The following CIITA variants were observed in gnomAD, a reference collection of about 807,000 sequenced individuals.
CIITA encodes the protein MHC class II transactivator.
A neutral mutation model predicts 115.1 loss-of-function variants in CIITA; 72 were observed. That is an observed-to-expected ratio of 0.63 (90% CI 0.52 to 0.76). The LOEUF (loss-of-function observed/expected upper bound fraction) is 0.76, where lower values mean the gene tolerates loss of function less well. Ranked by LOEUF, CIITA falls within the 30% of genes least tolerant of loss-of-function variation. The pLI, the probability that CIITA is intolerant of heterozygous loss-of-function variation, is 0.00. For missense variants in CIITA, 1,617 were observed against 1,463.8 expected, an observed-to-expected ratio of 1.10 and a Z score of -1.71; for synonymous variants, 763 against 635.6, an observed-to-expected ratio of 1.20 and a Z score of -3.02.
intron 11 of CIITA, 83 bp downstream of exon 11, chr16:10,908,232 G>T: frequency 1.4e-6 from 2 of 1,470,898 alleles, no homozygotes; most frequent in Non-Finnish European, 1.9e-6. Flanking sequence ...GCTCTGTGGG[G>T]TCTCTTTTAG....
In CIITA at chr16:10,866,290, A is replaced by G. The variant is rs754564710; in HGVS notation, c.-50A>G. ...AGCTGCCCTGACTCCAAGGGCTGCCATGAACAACTTCCAGGCCATCCTGAC... is the reference window on the plus strand; with the variant it reads ...AGCTGCCCTGACTCCAAGGGCTGCCGTGAACAACTTCCAGGCCATCCTGAC... On this transcript the variant is annotated 5_prime_UTR_variant, in exon 1 of 6. Transcript: ENST00000636238. 8.8e-6 allele frequency: 5 copies of G among 565,634 alleles called. No homozygotes were observed. In the African/African-American group the frequency reaches 9.3e-5, roughly 10 times the overall value. The allele number at this position is 565,634 out of a possible 1,614,324, so 35.0% of individuals were successfully genotyped here.
chr16:10,901,966 C>A lies in CIITA; in HGVS notation c.482-72C>A. On this transcript the variant is annotated intron_variant, in intron 6 of 19. Transcript: ENST00000324288. The surrounding 1 kb of genome is among the most constrained non-coding windows in gnomAD (Gnocchi z 6.8). ...TCTGTCAGGAGAGACATCCATGCCA[C>A]TCCAGGGCCCTCCCCATCCCAGGAA... The A allele has an allele frequency of 6.3e-7, 1 of 1,591,090 alleles. No individual in the cohort carries two copies. Among genetic ancestry groups the A allele is most frequent in the South Asian group, 1.1e-5 (1 of 90,570 alleles).
Position 10,922,447 on chromosome 16 carries a change from CT to C in CIITA, c.3275del (p.Leu1092ProfsTer38). 6.2e-7 allele frequency: 1 copy of C among 1,614,184 alleles called. No individual in the cohort carries two copies. The highest frequency in any genetic ancestry group is 8.5e-7 in the Non-Finnish European group (1 of 1,180,022). Reference sequence around the variant, plus strand: ...GTTCACGGCTGCCGGGGCCCAGCAGCTCGCTGCCAGCCTTCGGAGGTGTCCT... The same window carrying C: ...GTTCACGGCTGCCGGGGCCCAGCAGCCGCTGCCAGCCTTCGGAGGTGTCCT... ...NKFTAAGAQQLAASLRRCPHV... is the reference protein window; with the variant it reads ...NKFTAAGAQQXAASLRRCPHV... On this transcript the variant is annotated frameshift_variant, in exon 18 of 20. Transcript: ENST00000324288. LOFTEE classifies it high-confidence loss of function.
chr16:10,898,809 C>G lies in CIITA; in HGVS notation c.358+77C>G. On this transcript the variant is annotated intron_variant, in intron 4 of 19. Coordinates refer to ENST00000324288, the MANE Select transcript of CIITA (RefSeq NM_000246.4). ...TGTTCCCTGGGGGGTGCCCTAATAC[C>G]TGACGACCATTCATTGATGGGCAGT... The G allele has an allele frequency of 3.1e-6, 5 of 1,600,570 alleles. No homozygotes were observed. In the South Asian group the frequency reaches 4.4e-5, roughly 14 times the overall value.
rs1219198271 is a variant in CIITA at position 10,927,503 on chromosome 16, GA to G, written c.*3649del. The G allele has an allele frequency of 1.3e-5, 2 of 152,206 alleles. No homozygotes were observed. The highest frequency in any genetic ancestry group is 4.8e-5 in the African/African-American group (2 of 41,446). 9.4% of individuals were successfully genotyped at this position (152,206 alleles called of 1,614,324 possible). ...ATACTGACAGCACAGTCATGAATAA[GA>G]TGTTCCTGCCCTGGTGAGTCTTATA... On this transcript the variant is annotated 3_prime_UTR_variant, in exon 20 of 20. Coordinates refer to ENST00000324288, the MANE Select transcript of CIITA (RefSeq NM_000246.4).
At chr16:10,904,668 C>T (rs1596541713) in intron 9 of CIITA, 76 bp from the exon 10 acceptor site, 2 of 1,495,948 alleles carry the variant, frequency 1.3e-6, no homozygotes, top group East Asian at 2.3e-5. Flanking sequence ...GCTGTAAGGA[C>T]TAAGTGGCCC....
intron 1 of CIITA, 59 bp downstream of exon 1, chr16:10,877,441 C>G (rs2035935115): frequency 6.5e-7 from 1 of 1,533,782 alleles, no homozygotes; most frequent in Non-Finnish European, 8.9e-7. Context: ...TCCTGCCATT[C>G]CAGATAAACA....
In CIITA at chr16:10,895,445, C is replaced by A; in HGVS notation, c.199+17C>A. On this transcript the variant is annotated intron_variant, in intron 2 of 19. Transcript: ENST00000324288. ...TCTACTCAGGTGGGCCCTCCTCCCT[C>A]TGGTCTCTTCCGGTATCCCCCACCC... 6.2e-7 allele frequency: 1 copy of A among 1,612,648 alleles called. No individual in the cohort carries two copies. The highest frequency in any genetic ancestry group is 1.1e-5 in the South Asian group (1 of 91,056).
Position 10,902,678 on chromosome 16 carries a change from T to A in CIITA, c.649T>A (p.Leu217Met), listed in dbSNP as rs773897183. The A allele has an allele frequency of 3.0e-5, 48 of 1,614,248 alleles. No homozygotes were observed. The highest frequency in any genetic ancestry group is 3.8e-5 in the Non-Finnish European group (45 of 1,180,048). Residue 217 changes from leucine to methionine, a missense_variant, in exon 8 of 20, where the codon TTG (leucine) becomes ATG (methionine). By Grantham distance (15) the Leu-to-Met change is conservative. Coordinates refer to ENST00000324288, the MANE Select transcript of CIITA (RefSeq NM_000246.4). ...QIPMPFSSSS[L>M]SCLNLPEGPI... Reference sequence around the variant, plus strand: ...TGCAGTGCCTTTCTCCAGTTCCTCGTTGAGCTGCCTGAATCTCCCTGAGGG... The same window carrying A: ...TGCAGTGCCTTTCTCCAGTTCCTCGATGAGCTGCCTGAATCTCCCTGAGGG...
In CIITA at chr16:10,901,455, C is replaced by G. The variant is rs113282345; in HGVS notation, c.437-59C>G. 25 of 1,585,850 alleles carry G rather than the reference C, an allele frequency of 1.6e-5. 1 individual carries two copies. Among genetic ancestry groups the G allele is most frequent in the African/African-American group, 1.5e-4 (11 of 74,260 alleles). The stretch of plus-strand genomic sequence containing the variant: ...CCGTATAGCCTGCTAGAGTCCTGAG[C>G]CCCTTCTGGCTTGGGACATCCTCTC... On this transcript the variant is annotated intron_variant, in intron 5 of 19. Coordinates refer to ENST00000324288, the MANE Select transcript of CIITA (RefSeq NM_000246.4). This position sits in a 1 kb window ranked among gnomAD's most constrained non-coding sequence, Gnocchi z 6.8.
In CIITA at chr16:10,922,434, C is replaced by T. The variant is rs149640268; in HGVS notation, c.3261C>T (p.Ala1087=). 1.8e-5 allele frequency: 29 copies of T among 1,614,058 alleles called. No homozygotes were observed. The highest frequency in any genetic ancestry group is 8.0e-5 in the African/African-American group (6 of 74,942). Residue 1087 remains alanine, a synonymous_variant, in exon 18 of 20, where the codon GCC becomes GCT. Coordinates refer to ENST00000324288, the MANE Select transcript of CIITA (RefSeq NM_000246.4). Reference sequence around the variant, plus strand: ...TCCAGTACAACAAGTTCACGGCTGCCGGGGCCCAGCAGCTCGCTGCCAGCC... The same window carrying T: ...TCCAGTACAACAAGTTCACGGCTGCTGGGGCCCAGCAGCTCGCTGCCAGCC... The part of the protein sequence containing the change: ...MDVQYNKFTA[A]GAQQLAASLR...
intron 1 of CIITA, among the ~76,000 whole-genome samples, chr16:10,869,852 T>C (rs984532862): frequency 6.6e-6 from 1 of 152,024 alleles, no homozygotes; most frequent in Non-Finnish European, 1.5e-5. Context: ...GTGTGTGTTG[T>C]TTATTGTTTG....
intron 1 of CIITA, among the ~76,000 whole-genome samples, chr16:10,890,246 C>A (rs576840206): frequency 6.6e-6 from 1 of 151,126 alleles, no homozygotes. Context: ...TGATGGGGAG[C>A]GTGGCCAGAC....
At chr16:10,902,546 T>C (rs1372932504) in intron 7 of CIITA, 112 bp from the exon 8 acceptor site, 3 of 1,353,730 alleles carry the variant, frequency 2.2e-6, no homozygotes, top group African/African-American at 2.9e-5. Flanking sequence ...CTACTGCTCT[T>C]AGGGAAATTA....
intron 15 of CIITA, 54 bp downstream of exon 15, chr16:10,916,513 G>A: frequency 6.8e-7 from 1 of 1,481,106 alleles, no homozygotes; most frequent in South Asian, 1.2e-5. Flanking sequence ...AAGTCCGGCT[G>A]ACTTTTTCAA....
At chr16:10,910,139 C>T (rs768497173) in intron 12 of CIITA, 49 bp from the exon 13 acceptor site, 7 of 1,533,816 alleles carry the variant, frequency 4.6e-6, no homozygotes, top group Non-Finnish European at 5.4e-6. Context: ...TGGGTAAGGG[C>T]TCAGTGACAG....
intron 1 of CIITA, among the ~76,000 whole-genome samples, chr16:10,881,239 C>T (rs1302488073): frequency 6.6e-6 from 1 of 151,380 alleles, no homozygotes; most frequent in East Asian, 1.9e-4. Flanking sequence ...GGAGGTTACC[C>T]GAGAGCTGAG....
intron 7 of CIITA, 115 bp downstream of exon 7, chr16:10,902,299 A>G (rs2038834512): frequency 1.6e-5 from 23 of 1,421,448 alleles, no homozygotes; most frequent in Admixed American, 1.4e-4. Flanking sequence ...CAACCCTATC[A>G]GTGTCACTCA....
chr16:10,870,260 G>A (rs2035392833), intron 1 of CIITA, among the ~76,000 whole-genome samples: 1 of 151,440 alleles, frequency 6.6e-6, no homozygotes, highest in Admixed American at 6.6e-5. Context: ...CCCCAAATAG[G>A]GTGGCAGTCT....
Sources: allele counts gnomAD v4.1 joint callset (sites outside exome capture counted in the v4.1 genomes callset), GRCh38; gene constraint gnomAD v4.1.1; non-coding constraint Gnocchi (gnomAD v3.1); transcripts MANE v1.5; gene names NCBI Gene and HGNC (gene_info 2026-07-23, HGNC 2026-07-21).